The following CRISPLD1 variants were observed in gnomAD, a reference collection of about 807,000 sequenced individuals.
CRISPLD1 encodes cysteine rich secretory protein LCCL domain containing 1.
A neutral mutation model predicts 77.5 loss-of-function variants in CRISPLD1; 60 were observed. The ratio of observed to expected loss-of-function variants is 0.77; its 90% CI spans 0.63 to 0.96. The LOEUF (loss-of-function observed/expected upper bound fraction) is 0.96. Ranked by LOEUF, CRISPLD1 falls within the 40% of genes least tolerant of loss-of-function variation. The probability of loss-of-function intolerance (pLI) is 0.00; values close to 1 mark genes in which losing one functional copy is unlikely to be tolerated. For synonymous variants in CRISPLD1, 195 were observed against 200.1 expected, an observed-to-expected ratio of 0.97 and a Z score of 0.22; for missense variants, 623 against 615.8, an observed-to-expected ratio of 1.01 and a Z score of -0.12.
At chr8:75,025,340 A>T (rs539846998) in intron 12 of CRISPLD1, among the ~76,000 whole-genome samples, 1 of 152,172 alleles carries the variant, frequency 6.6e-6, no homozygotes, top group African/African-American at 2.4e-5. Flanking sequence ...AATTTTTTTT[A>T]AATGACATTT....
In CRISPLD1 at chr8:75,016,554, T is replaced by C. The variant is rs1813030831; in HGVS notation, c.728-11T>C. The stretch of plus-strand genomic sequence containing the variant: ...AGGGTTAATATTTCCTAAATCTGCT[T>C]TCTCTAACAGAAGGGTCAGACAGGT... On this transcript the variant is annotated splice_polypyrimidine_tract_variant and intron_variant, in intron 6 of 14. Coordinates refer to ENST00000262207, the MANE Select transcript of CRISPLD1 (RefSeq NM_031461.6). 2 of 1,600,486 alleles carry C rather than the reference T, an allele frequency of 1.2e-6. No homozygotes were observed. Among genetic ancestry groups the C allele is most frequent in the Non-Finnish European group, 1.7e-6 (2 of 1,174,190 alleles).
chr8:74,986,747 T>G (rs561932690), intron 2 of CRISPLD1, among the ~76,000 whole-genome samples: 18 of 152,352 alleles, frequency 1.2e-4, no homozygotes, highest in African/African-American at 4.1e-4. Flanking sequence ...TGAAGAGTGC[T>G]TTGGCAATGG....
intron 2 of CRISPLD1, among the ~76,000 whole-genome samples, chr8:74,990,260 G>T (rs536140320): frequency 1.3e-5 from 2 of 150,250 alleles, no homozygotes; most frequent in African/African-American, 2.5e-5. Context: ...TAACAAAACC[G>T]CACTTATACT....
chr8:75,001,096 A>C (rs1812732847), intron 2 of CRISPLD1, among the ~76,000 whole-genome samples: 1 of 152,194 alleles, frequency 6.6e-6, no homozygotes, highest in South Asian at 2.1e-4. Flanking sequence ...ATTATGTAAA[A>C]CATAATAAAA....
chr8:75,001,365 T>C (rs1299085541), intron 2 of CRISPLD1, among the ~76,000 whole-genome samples: 3 of 152,146 alleles, frequency 2.0e-5, no homozygotes, highest in East Asian at 3.9e-4. Context: ...GTCTCATGAT[T>C]TGGGGGTGGC....
In CRISPLD1 at chr8:75,029,430, G is replaced by A. The variant is rs751295545; in HGVS notation, c.1364G>A (p.Arg455Gln). The A allele has an allele frequency of 4.3e-6, 7 of 1,613,566 alleles. No homozygotes were observed. Among genetic ancestry groups the A allele is most frequent in the South Asian group, 3.3e-5 (3 of 91,070 alleles). Residue 455 changes from arginine to glutamine, a missense_variant, in exon 14 of 15, where the codon CGA (arginine) becomes CAA (glutamine). Coordinates refer to ENST00000262207, the MANE Select transcript of CRISPLD1 (RefSeq NM_031461.6). ...CRAAVHAGVV[R>Q]NHGGYVDVMP... ...GCAGCAGTACATGCTGGAGTGGTTC[G>A]AAATCACGGTGGTTATGTTGATGTA...
chr8:75,013,059 T>C (rs1223083921), intron 4 of CRISPLD1, 37 bp downstream of exon 4: 1 of 1,453,104 alleles, frequency 6.9e-7, no homozygotes, highest in Non-Finnish European at 9.2e-7. Context: ...TTCCCCCAAA[T>C]TGAGTTAATG....
chr8:75,013,035 G>T lies in CRISPLD1; in HGVS notation c.510+13G>T, dbSNP rs201583125. 1 of 1,515,554 alleles carries T rather than the reference G, an allele frequency of 6.6e-7. No individual in the cohort carries two copies. The highest frequency in any genetic ancestry group is 8.9e-7 in the Non-Finnish European group (1 of 1,122,332). The allele number at this position is 1,515,554 out of a possible 1,614,324, so 93.9% of individuals were successfully genotyped here. ...ACATTATACACAGGTATGTTTGGGG[G>T]GTATTATACTTAATTCCCCCAAATT... On this transcript the variant is annotated intron_variant, in intron 4 of 14. Coordinates refer to ENST00000262207, the MANE Select transcript of CRISPLD1 (RefSeq NM_031461.6).
rs563843558 is a variant in CRISPLD1 at position 75,014,209 on chromosome 8, A to G, written c.626+107A>G. 5.6e-6 allele frequency: 4 copies of G among 710,876 alleles called. No homozygotes were observed. The African/African-American group carries it at 7.3e-5, about 13-fold the overall frequency. The allele number at this position is 710,876 out of a possible 1,614,324, so 44.0% of individuals were successfully genotyped here. ...TTTTCAGTGTGTATCACTGAAGTGT[A>G]TTATTTTAATTCTGTTTATTTAATA... On this transcript the variant is annotated intron_variant, in intron 5 of 14. Transcript: ENST00000262207.
At chr8:75,006,036 A>G (rs1308680083) in intron 2 of CRISPLD1, among the ~76,000 whole-genome samples, 1 of 152,124 alleles carries the variant, frequency 6.6e-6, no homozygotes, top group African/African-American at 2.4e-5. Flanking sequence ...CATTGTACCC[A>G]ATTACCAGTA....
rs537501827 is a variant in CRISPLD1 at position 75,034,023 on chromosome 8, A to T, written c.*1781A>T. On this transcript the variant is annotated 3_prime_UTR_variant, in exon 15 of 15. Coordinates refer to ENST00000262207, the MANE Select transcript of CRISPLD1 (RefSeq NM_031461.6). ...GTTTTCTTCTATTTGCCCTTAGTTT[A>T]GATCTCCATCATCAATTCCACTTAC... 3.9e-5 allele frequency: 6 copies of T among 152,154 alleles called. No homozygotes were observed. In the South Asian group the frequency reaches 1.2e-3, roughly 32 times the overall value. The allele number at this position is 152,154 out of a possible 1,614,324, so 9.4% of individuals were successfully genotyped here.
intron 2 of CRISPLD1, chr8:75,000,135 A>G: frequency 1.0e-6 from 1 of 985,018 alleles, no homozygotes; most frequent in Non-Finnish European, 1.2e-6. Flanking sequence ...AGCAACTCAA[A>G]CAATACAAAG....
chr8:75,020,129 G>A, intron 12 of CRISPLD1, 50 bp downstream of exon 12: 1 of 1,469,702 alleles, frequency 6.8e-7, no homozygotes, highest in Non-Finnish European at 9.5e-7. Flanking sequence ...AACTGTTTTT[G>A]CCTGAAATTC....
chr8:74,990,893 C>G (rs1273365108), intron 2 of CRISPLD1, among the ~76,000 whole-genome samples: 3 of 152,000 alleles, frequency 2.0e-5, no homozygotes, highest in Non-Finnish European at 4.4e-5. Flanking sequence ...GGTTCTGTCT[C>G]AAATGTCTTT....
Position 75,017,433 on chromosome 8 carries a change from T to C in CRISPLD1, c.1110T>C (p.Asn370=). ...RKHYFIKSNR[N]GIQTIGKYQS... is the part of the protein sequence containing the mutation. ...ATTATTTCATCAAGTCCAATAGAAATGGTATTCAAACAATTGGGTAAGTAC... is the reference window on the plus strand; with the variant it reads ...ATTATTTCATCAAGTCCAATAGAAACGGTATTCAAACAATTGGGTAAGTAC... The change falls in exon 10 of 15, where the codon AAT becomes AAC. Residue 370 remains asparagine, a synonymous_variant. Transcript: ENST00000262207. The C allele has an allele frequency of 6.2e-7, 1 of 1,604,968 alleles. No individual in the cohort carries two copies. The highest frequency in any genetic ancestry group is 1.1e-5 in the South Asian group (1 of 88,780).
intron 2 of CRISPLD1, among the ~76,000 whole-genome samples, chr8:74,998,281 A>T (rs182201692): frequency 6.6e-6 from 1 of 152,222 alleles, no homozygotes; most frequent in East Asian, 1.9e-4. Context: ...AGGATAGGAC[A>T]TTATGAAAAA....
chr8:75,029,790 T>G (rs995871601), intron 14 of CRISPLD1, among the ~76,000 whole-genome samples: 1 of 152,186 alleles, frequency 6.6e-6, no homozygotes, highest in Non-Finnish European at 1.5e-5. Context: ...AGTCTTATAA[T>G]TAGGAACTTT....
At position 75,032,267 on chromosome 8, in the gene CRISPLD1, T is replaced by C. The variant is rs748754818; in HGVS notation, c.*25T>C. 2 of 1,549,398 alleles carry C rather than the reference T, an allele frequency of 1.3e-6. No individual in the cohort carries two copies. Among genetic ancestry groups the C allele is most frequent in the Non-Finnish European group, 1.8e-6 (2 of 1,126,280 alleles). ...AAACTGAATACTTGGAAGAGGACCATAAAGACTATTCCAAATGCAATATTT... is the reference window on the plus strand; with the variant it reads ...AAACTGAATACTTGGAAGAGGACCACAAAGACTATTCCAAATGCAATATTT... On this transcript the variant is annotated 3_prime_UTR_variant, in exon 15 of 15. Transcript: ENST00000262207.
chr8:74,990,772 CAA>C (rs200515030), intron 2 of CRISPLD1, among the ~76,000 whole-genome samples: 2,797 of 107,402 alleles, frequency 0.026, 95 homozygotes, highest in African/African-American at 0.081. Flanking sequence ...AAGAAACATA[CAA>C]AAAAAAAAAA....
Sources: allele counts gnomAD v4.1 joint callset (sites outside exome capture counted in the v4.1 genomes callset), GRCh38; gene constraint gnomAD v4.1.1; transcripts MANE v1.5; gene names NCBI Gene and HGNC (gene_info 2026-07-23, HGNC 2026-07-21).